Variants in PHTF1 observed in about 807,000 individuals in gnomAD.
The protein encoded by PHTF1 is putative homeodomain transcription factor 1.
Under a neutral mutation model 102.4 loss-of-function variants are expected in PHTF1, and 88 were observed. The observed-to-expected ratio is 0.86, with a 90% CI of 0.72 to 1.03. The LOEUF (loss-of-function observed/expected upper bound fraction) is 1.03, where lower values mean the gene tolerates loss of function less well. Ranked by LOEUF, PHTF1 falls within the 50% of genes least tolerant of loss-of-function variation. PHTF1 has a pLI of 0.00. For missense variants in PHTF1, 814 were observed against 909.5 expected (o/e 0.89, Z 1.35); for synonymous variants, 289 against 305.2 (o/e 0.95, Z 0.55).
chr1:113,710,218 A>G, intron 11 of PHTF1, 36 bp downstream of exon 11: 2 of 1,457,544 alleles, frequency 1.4e-6, no homozygotes, highest in Non-Finnish European at 1.9e-6. Context: ...TAAGAACACA[A>G]TAAATACTAG....
At chr1:113,758,583 GTAACAT>G (rs1659240550) in intron 2 of PHTF1, 70 bp downstream of exon 2, 2 of 802,210 alleles carry the variant, frequency 2.5e-6, no homozygotes, top group African/African-American at 3.6e-5. Context: ...TCGGGGGAAA[GTAACAT>G]TATATTATTT....
At chr1:113,736,797 G>A (rs1206559336) in intron 5 of PHTF1, among the ~76,000 whole-genome samples, 2 of 152,102 alleles carry the variant, frequency 1.3e-5, no homozygotes, top group Non-Finnish European at 2.9e-5. Flanking sequence ...AGGATATTAT[G>A]TCTACAGCCA....
At chr1:113,754,516 C>T (rs1166010437) in intron 3 of PHTF1, among the ~76,000 whole-genome samples, 3 of 151,956 alleles carry the variant, frequency 2.0e-5, no homozygotes, top group African/African-American at 7.2e-5. Flanking sequence ...TAAATAAATA[C>T]GTAATGGATG....
chr1:113,745,032 C>T (rs1285529828), intron 3 of PHTF1, among the ~76,000 whole-genome samples: 3 of 149,510 alleles, frequency 2.0e-5, no homozygotes, highest in Non-Finnish European at 4.5e-5. Flanking sequence ...CAAGGCAGGG[C>T]AGGGCAGGGC....
chr1:113,720,971 T>C (rs1165727052), intron 7 of PHTF1, among the ~76,000 whole-genome samples: 1 of 152,206 alleles, frequency 6.6e-6, no homozygotes. Context: ...AGGGATGTGG[T>C]GGCACATGCC....
chr1:113,712,090 A>G lies in PHTF1; in HGVS notation c.807T>C (p.Asn269=). ...CRREAFRRLG[N]GVSDDLSSEE... The stretch of plus-strand genomic sequence containing the variant: ...CACTTGACAGGTCATCAGACACCCC[A>G]TTACCCAAACGCCTAAAAGCCTCCT... Residue 269 remains asparagine (N), a synonymous_variant, in exon 9 of 19, where the codon AAT becomes AAC. Transcript: ENST00000369604. The G allele has an allele frequency of 6.2e-7, 1 of 1,614,050 alleles. No individual in the cohort carries two copies. Among genetic ancestry groups the G allele is most frequent in the South Asian group, 1.1e-5 (1 of 91,076 alleles).
intron 8 of PHTF1, among the ~76,000 whole-genome samples, chr1:113,712,786 T>A (rs1403322276): frequency 8.2e-5 from 2 of 24,452 alleles, no homozygotes; most frequent in Admixed American, 2.6e-4. Context: ...CTCACAAAAT[T>A]TTTTTTTTTT....
At chr1:113,709,970 CATATAAA>C (rs1650800946) in intron 11 of PHTF1, among the ~76,000 whole-genome samples, 2 of 152,058 alleles carry the variant, frequency 1.3e-5, no homozygotes, top group South Asian at 4.1e-4. Flanking sequence ...AAACTCTACT[CATATAAA>C]ATATAAAATA....
intron 3 of PHTF1, among the ~76,000 whole-genome samples, chr1:113,748,329 C>T (rs1157257164): frequency 6.6e-6 from 1 of 152,038 alleles, no homozygotes; most frequent in East Asian, 1.9e-4. Context: ...ATTTCTGGGG[C>T]AATTTTTAAA....
intron 3 of PHTF1, among the ~76,000 whole-genome samples, chr1:113,746,173 C>T (rs1394711095): frequency 6.6e-6 from 1 of 152,070 alleles, no homozygotes; most frequent in Admixed American, 6.6e-5. Context: ...ATAGGTTAGA[C>T]CAGGTAATTA....
intron 11 of PHTF1, among the ~76,000 whole-genome samples, chr1:113,709,314 T>C (rs1208697708): frequency 6.6e-6 from 1 of 152,180 alleles, no homozygotes; most frequent in East Asian, 1.9e-4. Flanking sequence ...ATGAAGCGAT[T>C]TTTTAAATGA....
chr1:113,699,867 C>T (rs904539143), intron 16 of PHTF1, 68 bp from the exon 17 acceptor site: 2 of 726,852 alleles, frequency 2.8e-6, no homozygotes, highest in Non-Finnish European at 4.5e-6. Flanking sequence ...TAAAATCTGG[C>T]ATATTTCAAA....
chr1:113,758,830 T>C (rs1004484656), intron 1 of PHTF1, 97 bp from the exon 2 acceptor site: 1 of 1,407,398 alleles, frequency 7.1e-7, no homozygotes, highest in Non-Finnish European at 9.3e-7. Context: ...AGCCTCTCCA[T>C]GAGCTGCTCT....
chr1:113,755,826 T>A (rs1368904538), intron 3 of PHTF1, among the ~76,000 whole-genome samples: 1 of 151,926 alleles, frequency 6.6e-6, no homozygotes, highest in Non-Finnish European at 1.5e-5. Context: ...TTTGGGAGGC[T>A]GAGGCAGGTG....
chr1:113,738,852 T>C, intron 3 of PHTF1, 53 bp from the exon 4 acceptor site: 1 of 1,241,378 alleles, frequency 8.1e-7, no homozygotes, highest in Non-Finnish European at 1.1e-6. Flanking sequence ...AGCCCTTTTA[T>C]TTATTTATTT....
At chr1:113,724,713 C>A in intron 7 of PHTF1, 46 bp downstream of exon 7, 1 of 1,486,836 alleles carries the variant, frequency 6.7e-7, no homozygotes, top group Non-Finnish European at 9.2e-7. Flanking sequence ...ACTATACATT[C>A]TGTAAACACT....
At chr1:113,758,580 A>G (rs1238941318) in intron 2 of PHTF1, 79 bp downstream of exon 2, 2 of 769,022 alleles carry the variant, frequency 2.6e-6, no homozygotes, top group African/African-American at 1.8e-5. Flanking sequence ...AACTCGGGGG[A>G]AAGTAACATT....
At chr1:113,746,413 CTAA>C (rs1657243096) in intron 3 of PHTF1, among the ~76,000 whole-genome samples, 1 of 152,148 alleles carries the variant, frequency 6.6e-6, no homozygotes, top group African/African-American at 2.4e-5. Flanking sequence ...AATCCCCTGA[CTAA>C]GGTGGAAGTC....
rs148623704 is a variant in PHTF1, at chr1:113,706,068, C to T, written c.1493G>A (p.Arg498His). The change falls in exon 13 of 19, where the codon CGT becomes CAT. Residue 498 changes from arginine to histidine, a missense_variant. Coordinates refer to ENST00000369604, the MANE Select transcript of PHTF1 (RefSeq NM_001323043.2). The part of the protein sequence containing the change: ...AFFPFLHRLF[R>H]EKSLDQLKSI... The stretch of plus-strand genomic sequence containing the variant: ...CTTTAGTTGGTCAAGGCTCTTCTCA[C>T]GGAAAAGTCGATGTAAGAATGGAAA... 32 of 1,613,948 alleles carry T rather than the reference C, an allele frequency of 2.0e-5. No homozygotes were observed. Among genetic ancestry groups the T allele is most frequent in the Middle Eastern group, 3.3e-4 (2 of 6,084 alleles).
Sources: gnomAD v4.1 joint callset for allele counts (sites outside exome capture counted in the v4.1 genomes callset) on GRCh38, gnomAD v4.1.1 for gene constraint, MANE v1.5 for transcripts, NCBI Gene and HGNC (gene_info 2026-07-23, HGNC 2026-07-21) for gene names.